The following RAB38 variants were observed in gnomAD, a reference collection of about 807,000 sequenced individuals.
The protein encoded by RAB38 is ras-related protein Rab-38.
Under a neutral mutation model 18.4 loss-of-function variants are expected in RAB38, and 15 were observed. The observed-to-expected ratio is 0.82, with a 90% CI of 0.55 to 1.26. The LOEUF (loss-of-function observed/expected upper bound fraction) is 1.26, where lower values mean the gene tolerates loss of function less well. Ranked by LOEUF, RAB38 falls within the 50% of genes most tolerant of loss-of-function variation. The probability of loss-of-function intolerance (pLI) is 0.00; values close to 1 mark genes in which losing one functional copy is unlikely to be tolerated. For synonymous variants in RAB38, 101 were observed against 104.4 expected, an observed-to-expected ratio of 0.97 and a Z score of 0.20; for missense variants, 294 against 267.4, an observed-to-expected ratio of 1.10 and a Z score of -0.69.
At chr11:87,850,485 C>T in the RAB38 span, among the ~76,000 whole-genome samples, 26 of 152,124 alleles carry the variant, frequency 1.7e-4, no homozygotes, top group African/African-American at 2.2e-4. Context: ...TGTGTGTGCA[C>T]GCGCATGCAC....
the RAB38 span, among the ~76,000 whole-genome samples, chr11:88,027,077 G>C: frequency 6.6e-6 from 1 of 152,040 alleles, no homozygotes; most frequent in East Asian, 1.9e-4. Context: ...ATAACAATCA[G>C]ACCATTAAAA....
the RAB38 span, among the ~76,000 whole-genome samples, chr11:88,091,437 T>C: frequency 6.6e-6 from 1 of 151,984 alleles, no homozygotes; most frequent in African/African-American, 2.4e-5. Context: ...CTTTGACTAA[T>C]GTTACAGCTT....
the RAB38 span, among the ~76,000 whole-genome samples, chr11:87,892,360 C>T: frequency 6.6e-6 from 1 of 151,798 alleles, no homozygotes; most frequent in Non-Finnish European, 1.5e-5. Context: ...TTTCAATCTC[C>T]ACTATCACTG....
chr11:87,870,799 C>T, the RAB38 span, among the ~76,000 whole-genome samples: 1 of 151,532 alleles, frequency 6.6e-6, no homozygotes, highest in Non-Finnish European at 1.5e-5. Context: ...ACCTTATCAT[C>T]ATATGGGACT....
chr11:87,809,923 C>T, the RAB38 span, among the ~76,000 whole-genome samples: 12 of 148,464 alleles, frequency 8.1e-5, no homozygotes, highest in African/African-American at 3.0e-4. Context: ...TATTATATCT[C>T]TTTTGAATTT....
the RAB38 span, among the ~76,000 whole-genome samples, chr11:87,911,021 G>T: frequency 6.6e-6 from 1 of 151,838 alleles, no homozygotes; most frequent in African/African-American, 2.4e-5. Flanking sequence ...TTTCAGTATT[G>T]TTGAAAAGAC....
intron 2 of RAB38, among the ~76,000 whole-genome samples, chr11:88,145,864 G>C (rs374620194): frequency 1.3e-5 from 2 of 152,096 alleles, no homozygotes; most frequent in East Asian, 1.9e-4. Context: ...CCAGGAATTT[G>C]GGGGGCAAAA....
chr11:88,003,986 G>T, the RAB38 span, among the ~76,000 whole-genome samples: 4 of 120,274 alleles, frequency 3.3e-5, no homozygotes, highest in Non-Finnish European at 3.4e-5. Flanking sequence ...TATGCATATA[G>T]GTATATATAT....
At chr11:88,157,661 A>C (rs1233625176) in intron 1 of RAB38, among the ~76,000 whole-genome samples, 1 of 152,184 alleles carries the variant, frequency 6.6e-6, no homozygotes, top group Non-Finnish European at 1.5e-5. Context: ...ACAGTGGAAT[A>C]AAAATAGAAA....
chr11:87,939,730 A>G, the RAB38 span, among the ~76,000 whole-genome samples: 2 of 152,046 alleles, frequency 1.3e-5, no homozygotes, highest in Non-Finnish European at 2.9e-5. Context: ...AAAAAAGAAA[A>G]GAAATATCAA....
At chr11:88,026,315 G>T in the RAB38 span, among the ~76,000 whole-genome samples, 12 of 151,594 alleles carry the variant, frequency 7.9e-5, no homozygotes, top group African/African-American at 2.7e-4. Flanking sequence ...TGTAATCCCA[G>T]CACTTTGAGA....
chr11:87,831,952 T>C, the RAB38 span, among the ~76,000 whole-genome samples: 1 of 152,138 alleles, frequency 6.6e-6, no homozygotes, highest in African/African-American at 2.4e-5. Context: ...ACCTGGAGGA[T>C]GTAATAGCTA....
intron 2 of RAB38, among the ~76,000 whole-genome samples, chr11:88,134,396 A>G (rs1942806948): frequency 6.9e-6 from 1 of 144,472 alleles, no homozygotes; most frequent in Non-Finnish European, 1.6e-5. Context: ...GTCTGCCACC[A>G]TGCCTGGTTA....
the RAB38 span, among the ~76,000 whole-genome samples, chr11:87,916,202 T>C: frequency 6.6e-6 from 1 of 152,086 alleles, no homozygotes; most frequent in African/African-American, 2.4e-5. Context: ...ATATGAGAGA[T>C]GGACATCAGT....
At chr11:88,086,833 C>A in the RAB38 span, among the ~76,000 whole-genome samples, 4 of 151,838 alleles carry the variant, frequency 2.6e-5, no homozygotes, top group Non-Finnish European at 5.9e-5. Context: ...TTATTTCTAG[C>A]GGACTATTCT....
the RAB38 span, among the ~76,000 whole-genome samples, chr11:87,893,241 G>T: frequency 6.6e-6 from 1 of 150,502 alleles, no homozygotes; most frequent in Admixed American, 6.7e-5. Flanking sequence ...TTGTAACTCA[G>T]AGTTTTAGTT....
At chr11:87,903,266 A>C in the RAB38 span, among the ~76,000 whole-genome samples, 1 of 151,354 alleles carries the variant, frequency 6.6e-6, no homozygotes. Flanking sequence ...CTATTGTTCT[A>C]GGCATATTTT....
chr11:88,065,889 T>A, the RAB38 span, among the ~76,000 whole-genome samples: 1 of 152,202 alleles, frequency 6.6e-6, no homozygotes, highest in Non-Finnish European at 1.5e-5. Flanking sequence ...AGATTTCAGA[T>A]TCAGTTTTCT....
chr11:87,837,893 G>A, the RAB38 span, among the ~76,000 whole-genome samples: 1 of 152,098 alleles, frequency 6.6e-6, no homozygotes, highest in Non-Finnish European at 1.5e-5. Context: ...TGAAGATTTT[G>A]TTGACATATA....
Sources: gnomAD v4.1 joint callset for allele counts (sites outside exome capture counted in the v4.1 genomes callset) on GRCh38, gnomAD v4.1.1 for gene constraint, MANE v1.5 for transcripts, NCBI Gene and HGNC (gene_info 2026-07-23, HGNC 2026-07-21) for gene names.